The following SLC2A14 variants were observed in gnomAD, a reference collection of about 807,000 sequenced individuals.
The protein encoded by SLC2A14 is solute carrier family 2 member 14.
In SLC2A14, 13 loss-of-function variants were observed where a neutral mutation model predicts 43.0. The observed-to-expected ratio is 0.30, with a 90% confidence interval of 0.20 to 0.48. The LOEUF is 0.48. Ranked by LOEUF, SLC2A14 falls within the 20% of genes least tolerant of loss-of-function variation. The pLI, the probability that SLC2A14 is intolerant of heterozygous loss-of-function variation, is 0.99. For missense variants in SLC2A14, 428 were observed against 620.4 expected, an observed-to-expected ratio of 0.69 and a Z score of 3.29; for synonymous variants, 190 against 233.8, an observed-to-expected ratio of 0.81 and a Z score of 1.71.
chr12:7,816,957 T>A (rs1230932560), intron 10 of SLC2A14, among the ~76,000 whole-genome samples: 2 of 152,090 alleles, frequency 1.3e-5, no homozygotes, highest in Non-Finnish European at 2.9e-5. Context: ...TCCGCCCACC[T>A]CCACCTCCCA....
chr12:7,824,411 A>G (rs1242247911), intron 7 of SLC2A14, among the ~76,000 whole-genome samples: 1 of 152,100 alleles, frequency 6.6e-6, no homozygotes, highest in Non-Finnish European at 1.5e-5. Context: ...CTACACATCA[A>G]AAACCTAATG....
chr12:7,835,726 C>T (rs1035699078), intron 2 of SLC2A14, among the ~76,000 whole-genome samples: 2 of 152,168 alleles, frequency 1.3e-5, no homozygotes, highest in African/African-American at 2.4e-5. Context: ...TTTCATAAAA[C>T]AATGTAAATG....
Position 7,813,912 on chromosome 12 carries a change from C to T in SLC2A14, c.*404G>A, listed in dbSNP as rs1337798173. 2 of 211,740 alleles carry T rather than the reference C, an allele frequency of 9.4e-6. No individual in the cohort carries two copies. Among genetic ancestry groups the T allele is most frequent in the Admixed American group, 5.0e-5 (1 of 20,032 alleles). 13.1% of individuals were successfully genotyped at this position (211,740 alleles called of 1,614,324 possible). A position where few individuals can be genotyped will look rare whatever the true frequency, so the allele number is the denominator to read the frequency against. On this transcript the variant is annotated 3_prime_UTR_variant, in exon 11 of 11. Coordinates refer to ENST00000431042, the MANE Select transcript of SLC2A14 (RefSeq NM_001286234.2). ...AGGAAGGTGCTCTTACATAAACACC[C>T]TCCGGCTTCCACACTCATATGTATC...
chr12:7,889,585 G>T (rs1945743031), intron 1 of SLC2A14, among the ~76,000 whole-genome samples: 1 of 149,764 alleles, frequency 6.7e-6, no homozygotes, highest in South Asian at 2.1e-4. Flanking sequence ...GCCCAGGCTG[G>T]AGTGCAGGGG....
intron 1 of SLC2A14, among the ~76,000 whole-genome samples, chr12:7,887,558 CAGATAGATAGATAGATAGAT>C (rs58618647): frequency 0.02 from 2,970 of 148,524 alleles, 86 homozygotes; most frequent in African/African-American, 0.066. Flanking sequence ...GTAGATAAAT[CAGATAGATAGATAGATAGAT>C]AGATAGATAG....
rs183994450 is a variant in SLC2A14 at position 7,884,434 on chromosome 12, G to A, written c.132+6562C>T. Among the ~76,000 whole-genome samples the A allele has an allele frequency of 1.5e-4, 23 of 152,110 alleles. 1 individual carries two copies. The highest frequency in any genetic ancestry group is 5.5e-4 in the African/African-American group (23 of 41,472). On this transcript the variant is annotated intron_variant, in intron 1 of 9. Transcript: ENST00000539924. ...TTTAATACTAGTGAAGTGCCGTAGTGGGGGGATGGGGAAGAGTGGAACAAG... is the reference window on the plus strand; with the variant it reads ...TTTAATACTAGTGAAGTGCCGTAGTAGGGGGATGGGGAAGAGTGGAACAAG...
At chr12:7,887,602 T>C (rs1357121147) in intron 1 of SLC2A14, among the ~76,000 whole-genome samples, 2 of 121,958 alleles carry the variant, frequency 1.6e-5, no homozygotes, top group Non-Finnish European at 3.9e-5. Context: ...GATAGATAGA[T>C]AGATAGATAG....
chr12:7,880,865 C>T (rs376202219), intron 1 of SLC2A14, among the ~76,000 whole-genome samples: 3 of 151,778 alleles, frequency 2.0e-5, no homozygotes, highest in Admixed American at 1.3e-4. Flanking sequence ...ATTGGCCAGG[C>T]GCGGTGGCTC....
rs866291829 is a variant in SLC2A14, at chr12:7,846,792, C to T, written c.19-13978G>A. 7.3e-5 allele frequency among the ~76,000 whole-genome samples: 11 copies of T among 151,568 alleles called. No individual in the cohort carries two copies. In the Middle Eastern group the frequency reaches 0.01, roughly 143 times the overall value. The stretch of plus-strand genomic sequence containing the variant: ...GATTACAAGCGCCCGCCACTACACC[C>T]GCCTAATTTTTTTGTATTTTTAGTA... On this transcript the variant is annotated intron_variant, in intron 2 of 10. Coordinates refer to ENST00000431042, the MANE Select transcript of SLC2A14 (RefSeq NM_001286234.2).
At chr12:7,850,099 G>C (rs899331758) in intron 2 of SLC2A14, among the ~76,000 whole-genome samples, 1 of 151,582 alleles carries the variant, frequency 6.6e-6, no homozygotes, top group Non-Finnish European at 1.5e-5. Flanking sequence ...AAGGCTTCTT[G>C]AAGTTGGTAT....
At chr12:7,833,647 G>T (rs36124279) in intron 2 of SLC2A14, among the ~76,000 whole-genome samples, 3,776 of 152,170 alleles carry the variant, frequency 0.025, 80 homozygotes, top group Non-Finnish European at 0.04. Context: ...AGGGCATGGT[G>T]GGGTGTGCCT....
At chr12:7,828,673 C>T (rs1864716153) in intron 6 of SLC2A14, 31 bp downstream of exon 6, 3 of 1,611,178 alleles carry the variant, frequency 1.9e-6, no homozygotes, top group Non-Finnish European at 2.5e-6. Flanking sequence ...CAACCATATA[C>T]TTTGTATACT....
At position 7,883,546 on chromosome 12, in the gene SLC2A14, A is replaced by G. The variant is rs563835053; in HGVS notation, c.132+7450T>C. ...CTCCCAAAGTGCTGAGATTACAGGC[A>G]TGAGCCACCACGCCCGGCCTCTTTT... On this transcript the variant is annotated intron_variant, in intron 1 of 9. Transcript: ENST00000539924. Among the ~76,000 whole-genome samples the G allele has an allele frequency of 2.6e-4, 39 of 148,976 alleles. No homozygotes were observed. The South Asian group carries it at 8.1e-3, about 31-fold the overall frequency.
At chr12:7,865,432 G>A (rs1244335993) in intron 2 of SLC2A14, among the ~76,000 whole-genome samples, 1 of 151,936 alleles carries the variant, frequency 6.6e-6, no homozygotes, top group Non-Finnish European at 1.5e-5. Context: ...AGCTACTCGG[G>A]AGGCTGAAGC....
At chr12:7,888,792 C>T (rs1294240400) in intron 1 of SLC2A14, among the ~76,000 whole-genome samples, 20 of 82,192 alleles carry the variant, frequency 2.4e-4, no homozygotes, top group Non-Finnish European at 3.1e-4. Flanking sequence ...AGCAAGACTC[C>T]GTCTCAAAAA....
At chr12:7,874,974 A>AATTATATATAAAT (rs1945422782), upstream of SLC2A14, among the ~76,000 whole-genome samples, 1 of 5,928 alleles carries the variant, frequency 1.7e-4, no homozygotes, top group Non-Finnish European at 4.9e-4. Context: ...ATTATATATA[A>AATTATATATAAAT]ATATATTTAT....
At chr12:7,863,180 G>A (rs1008507626) in intron 2 of SLC2A14, among the ~76,000 whole-genome samples, 8 of 151,990 alleles carry the variant, frequency 5.3e-5, no homozygotes, top group African/African-American at 1.7e-4. Flanking sequence ...GAGACTACGA[G>A]GCCACCGGAA....
chr12:7,866,729 T>C (rs1217589577), intron 2 of SLC2A14, among the ~76,000 whole-genome samples: 1 of 152,144 alleles, frequency 6.6e-6, no homozygotes, highest in Non-Finnish European at 1.5e-5. Context: ...TGTTAGAAGG[T>C]AGCAGAAGTT....
Position 7,834,228 on chromosome 12 carries a change from C to T in SLC2A14, c.19-1414G>A, listed in dbSNP as rs137862429. Among the ~76,000 whole-genome samples, 501 of 151,246 alleles carry T rather than the reference C, an allele frequency of 3.3e-3. 2 individuals are homozygous for T. Among genetic ancestry groups the T allele is most frequent in the Middle Eastern group, 6.8e-3 (2 of 294 alleles). ...AGTCTCATAACTTTCCATCCCTTCTCTTATTTTCCTTCATTTTCTTTCTTT... is the reference window on the plus strand; with the variant it reads ...AGTCTCATAACTTTCCATCCCTTCTTTTATTTTCCTTCATTTTCTTTCTTT... On this transcript the variant is annotated intron_variant, in intron 2 of 10. Transcript: ENST00000431042.
Sources: gnomAD v4.1 joint callset for allele counts (sites outside exome capture counted in the v4.1 genomes callset) on GRCh38, gnomAD v4.1.1 for gene constraint, MANE v1.5 for transcripts, NCBI Gene and HGNC (gene_info 2026-07-23, HGNC 2026-07-21) for gene names.